The following UNC13C variants were observed in gnomAD, a reference collection of about 807,000 sequenced individuals.
The protein encoded by UNC13C is protein unc-13 homolog C.
A neutral mutation model predicts 245.4 loss-of-function variants in UNC13C; 174 were observed. The observed-to-expected ratio is 0.71, with a 90% CI of 0.63 to 0.80. UNC13C has a LOEUF of 0.80. UNC13C is among the 30% of genes least tolerant of loss of function. The pLI is 0.00. For missense variants in UNC13C, 2,829 were observed against 2,602.9 expected (o/e 1.09, Z -1.89); for synonymous variants, 992 against 895.1 (o/e 1.11, Z -1.93).
intron 17 of UNC13C, among the ~76,000 whole-genome samples, chr15:54,374,778 C>A (rs1437923866): frequency 6.6e-6 from 1 of 152,216 alleles, no homozygotes; most frequent in Non-Finnish European, 1.5e-5. Context: ...AGCATGCAGT[C>A]CTGGCTGCGC....
At chr15:54,354,967 G>A (rs80107787) in intron 17 of UNC13C, among the ~76,000 whole-genome samples, 2,135 of 152,198 alleles carry the variant, frequency 0.014, 46 homozygotes, top group African/African-American at 0.048. Context: ...ATGAATTATT[G>A]TGTTAGTGGG....
intron 4 of UNC13C, among the ~76,000 whole-genome samples, chr15:54,167,512 A>G (rs1198715781): frequency 1.8e-5 from 2 of 114,130 alleles, no homozygotes; most frequent in African/African-American, 3.6e-5. Context: ...AAAAAAAAAA[A>G]AAAAAAAGAA....
chr15:54,500,256 A>G (rs1490406068), intron 21 of UNC13C, 81 bp downstream of exon 21: 4 of 1,012,752 alleles, frequency 3.9e-6, no homozygotes, highest in Non-Finnish European at 4.4e-6. Flanking sequence ...GAATTATTAG[A>G]CTCATTGTTA....
chr15:54,362,919 G>A (rs2039269237), intron 17 of UNC13C, among the ~76,000 whole-genome samples: 1 of 152,166 alleles, frequency 6.6e-6, no homozygotes, highest in Non-Finnish European at 1.5e-5. Context: ...GGTAAGTTAA[G>A]TGGGAAGGAT....
chr15:54,273,510 C>T (rs1384168562), intron 10 of UNC13C, among the ~76,000 whole-genome samples: 1 of 152,154 alleles, frequency 6.6e-6, no homozygotes, highest in East Asian at 1.9e-4. Context: ...CTGCTGGAAA[C>T]CTATTTGGGT....
chr15:54,457,776 G>C (rs2141020015), intron 19 of UNC13C, among the ~76,000 whole-genome samples: 1 of 151,342 alleles, frequency 6.6e-6, no homozygotes, highest in South Asian at 2.1e-4. Flanking sequence ...CTTTTTCTTG[G>C]TTAATCTCAC....
At chr15:53,852,975 C>T in the UNC13C span, among the ~76,000 whole-genome samples, 1 of 151,744 alleles carries the variant, frequency 6.6e-6, no homozygotes, top group South Asian at 2.1e-4. Flanking sequence ...CACTCTGCCT[C>T]CTCCCCCACC....
chr15:53,970,008 A>T, the UNC13C span, among the ~76,000 whole-genome samples: 1 of 150,578 alleles, frequency 6.6e-6, no homozygotes, highest in African/African-American at 2.4e-5. Flanking sequence ...ACTTAGCATA[A>T]TGTGCTCACA....
intron 20 of UNC13C, among the ~76,000 whole-genome samples, chr15:54,495,921 G>A (rs895106032): frequency 1.3e-5 from 2 of 151,916 alleles, no homozygotes; most frequent in Non-Finnish European, 1.5e-5. Context: ...CCGTACTATG[G>A]GGTATAGGGT....
the UNC13C span, among the ~76,000 whole-genome samples, chr15:53,853,770 T>C: frequency 2.6e-5 from 4 of 152,210 alleles, no homozygotes; most frequent in Non-Finnish European, 5.9e-5. Context: ...TTTCATACAT[T>C]TGTTGCCCAC....
the UNC13C span, among the ~76,000 whole-genome samples, chr15:53,942,600 C>G: frequency 2.0e-5 from 3 of 151,840 alleles, no homozygotes; most frequent in Admixed American, 2.0e-4. Flanking sequence ...ATTACCAAGG[C>G]ATTTGAATCT....
intron 10 of UNC13C, among the ~76,000 whole-genome samples, chr15:54,270,350 A>G (rs2036654757): frequency 6.6e-6 from 1 of 152,174 alleles, no homozygotes; most frequent in South Asian, 2.1e-4. Flanking sequence ...ATATACTGAC[A>G]TTCTGAAAAT....
chr15:54,356,695 T>C (rs533206503), intron 17 of UNC13C, among the ~76,000 whole-genome samples: 1 of 152,178 alleles, frequency 6.6e-6, no homozygotes, highest in Non-Finnish European at 1.5e-5. Flanking sequence ...TTCCCAACTA[T>C]TAATCCTATC....
rs1163932414 is a variant in UNC13C, at chr15:54,628,503, A to G, written c.*1390A>G. The G allele has an allele frequency of 6.6e-6, 1 of 152,582 alleles. No homozygotes were observed. The highest frequency in any genetic ancestry group is 1.5e-5 in the Non-Finnish European group (1 of 68,012). The allele number at this position is 152,582 out of a possible 1,614,324, so 9.5% of individuals were successfully genotyped here. On this transcript the variant is annotated 3_prime_UTR_variant, in exon 33 of 33. Transcript: ENST00000260323. ...CCAGTGAGGTGAGCTAATTCATGTT[A>G]AACTGTTAGGCCACTGCTTTGTTAA...
At chr15:54,475,523 G>A (rs1031943126) in intron 19 of UNC13C, among the ~76,000 whole-genome samples, 1 of 148,162 alleles carries the variant, frequency 6.7e-6, no homozygotes, top group African/African-American at 2.5e-5. Context: ...TGTTCTCATT[G>A]TTCAATTCCC....
At chr15:53,885,406 GT>G in the UNC13C span, among the ~76,000 whole-genome samples, 1 of 152,218 alleles carries the variant, frequency 6.6e-6, no homozygotes. Flanking sequence ...GAGGGGTTCT[GT>G]TCCATACCTG....
At chr15:54,148,509 T>A (rs1300885265) in intron 4 of UNC13C, among the ~76,000 whole-genome samples, 2 of 152,194 alleles carry the variant, frequency 1.3e-5, no homozygotes, top group Non-Finnish European at 2.9e-5. Context: ...TGAGATTGCC[T>A]ACTATCCTCA....
intron 10 of UNC13C, among the ~76,000 whole-genome samples, chr15:54,288,849 G>A (rs1442353793): frequency 1.3e-5 from 2 of 151,976 alleles, no homozygotes; most frequent in Non-Finnish European, 1.5e-5. Flanking sequence ...CTTATCTCTT[G>A]GCTCCTCTGT....
At chr15:54,128,782 C>T (rs1370344475) in intron 2 of UNC13C, among the ~76,000 whole-genome samples, 1 of 152,120 alleles carries the variant, frequency 6.6e-6, no homozygotes, top group African/African-American at 2.4e-5. Context: ...TTGAGACTTC[C>T]CACTGAGTCT....
Sources: allele counts gnomAD v4.1 joint callset (sites outside exome capture counted in the v4.1 genomes callset), GRCh38; gene constraint gnomAD v4.1.1; transcripts MANE v1.5; gene names NCBI Gene and HGNC (gene_info 2026-07-23, HGNC 2026-07-21).